The following LRP2 variants were observed in gnomAD, a reference collection of about 807,000 sequenced individuals.
The protein encoded by LRP2 is LDL receptor related protein 2.
In LRP2, 172 loss-of-function variants were observed where a neutral mutation model predicts 531.0. That is an observed-to-expected ratio of 0.32 (90% CI 0.29 to 0.37). The LOEUF (loss-of-function observed/expected upper bound fraction) is 0.37, where lower values mean the gene tolerates loss of function less well. Among genes scored for constraint, LRP2 ranks in the 10% least tolerant of loss-of-function variants. LRP2 has a pLI of 1.00. For synonymous variants in LRP2, 1,992 were observed against 2,027.6 expected (o/e 0.98, Z 0.47); for missense variants, 5,167 against 5,868.3 (o/e 0.88, Z 3.90).
At chr2:169,150,136 A>G (rs1191856448) in intron 68 of LRP2, among the ~76,000 whole-genome samples, 1 of 152,226 alleles carries the variant, frequency 6.6e-6, no homozygotes, top group Non-Finnish European at 1.5e-5. Context: ...GTATGATTTA[A>G]CATATGAAAT....
At chr2:169,216,091 G>C (rs868644755) in intron 35 of LRP2, among the ~76,000 whole-genome samples, 162 bp downstream of exon 35, 3 of 152,054 alleles carry the variant, frequency 2.0e-5, no homozygotes, top group Non-Finnish European at 4.4e-5. Flanking sequence ...TAGGGGCGAG[G>C]TACGTGCAAG....
rs1451168947 is a variant in LRP2, at chr2:169,191,973, C to T, written c.8891G>A (p.Arg2964Lys). 6.2e-7 allele frequency: 1 copy of T among 1,614,040 alleles called. No individual in the cohort carries two copies. The highest frequency in any genetic ancestry group is 8.5e-7 in the Non-Finnish European group (1 of 1,180,014). ...ACAGACCCAAGACTGGGGAATGCAC[C>T]TCCTGTCCGGAGGTCTGTCATTTAC... ...LCVNDRPPDR[R>K]CIPQSWVCDG... The change falls in exon 48 of 79, where the codon AGG becomes AAG. Residue 2964 changes from arginine to lysine, a missense_variant. Around this residue, in one of 6 missense-constraint regions of LRP2, gnomAD observed 1,129 missense variants for 1,362.7 expected, o/e 0.83. Transcript: ENST00000649046.
At chr2:169,151,773 A>G (rs1307440665) in intron 67 of LRP2, among the ~76,000 whole-genome samples, 2 of 152,068 alleles carry the variant, frequency 1.3e-5, no homozygotes, top group Non-Finnish European at 2.9e-5. Context: ...TTCAGAAGAG[A>G]GTGTTAATGT....
intron 46 of LRP2, among the ~76,000 whole-genome samples, chr2:169,194,998 C>T (rs1015317667): frequency 6.6e-6 from 1 of 152,146 alleles, no homozygotes; most frequent in African/African-American, 2.4e-5. Context: ...CGTGAGCCAC[C>T]GCGCCTGGCC....
At chr2:169,208,749 G>A (rs568442818) in intron 38 of LRP2, among the ~76,000 whole-genome samples, 7 of 152,204 alleles carry the variant, frequency 4.6e-5, no homozygotes, top group South Asian at 2.1e-4. Context: ...GAGCCACTGC[G>A]CCCTGCCTAC....
In LRP2 at chr2:169,213,696, C is replaced by T. The variant is rs1688677436; in HGVS notation, c.6001G>A (p.Val2001Ile). The change falls in exon 36 of 79, where the codon GTT (valine) becomes ATT (isoleucine). Residue 2001 changes from valine (V) to isoleucine (I), a missense_variant. This residue lies in a region of LRP2 where 2,811 missense variants were observed against 3,058.0 expected (regional missense o/e 0.92). Transcript: ENST00000649046. ...GANKIVLRDN[V>I]PNLRGLQVYH... The stretch of plus-strand genomic sequence containing the variant: ...ACTTGAAGACCCCTCAGATTTGGAA[C>T]ATTATCTCTCAAGACTATTTTGTTG... 1 of 1,613,500 alleles carries T rather than the reference C, an allele frequency of 6.2e-7. No homozygotes were observed. The highest frequency in any genetic ancestry group is 1.7e-5 in the Admixed American group (1 of 59,984).
chr2:169,298,513 A>G (rs1684189731), intron 4 of LRP2, among the ~76,000 whole-genome samples: 1 of 152,122 alleles, frequency 6.6e-6, no homozygotes, highest in Admixed American at 6.6e-5. Context: ...AGAGTAAGTA[A>G]CAGGAAGAAG....
intron 42 of LRP2, among the ~76,000 whole-genome samples, chr2:169,203,375 G>A (rs1316593392): frequency 2.6e-5 from 4 of 152,164 alleles, no homozygotes; most frequent in Non-Finnish European, 5.9e-5. Flanking sequence ...TATAAGGAAG[G>A]CCAGCTCATT....
At chr2:169,139,449 T>TC (rs1023403967) in intron 73 of LRP2, 78 bp from the exon 74 acceptor site, 20 of 1,613,230 alleles carry the variant, frequency 1.2e-5, no homozygotes, top group Middle Eastern at 3.3e-4. Flanking sequence ...CTAGAACCAC[T>TC]CCTTCAAAGA....
chr2:169,138,747 C>G (rs1282447848), intron 74 of LRP2, 41 bp from the exon 75 acceptor site: 2 of 1,608,812 alleles, frequency 1.2e-6, no homozygotes, highest in Non-Finnish European at 1.7e-6. Flanking sequence ...TTATTTAAAA[C>G]AACAACAACA....
intron 4 of LRP2, among the ~76,000 whole-genome samples, chr2:169,296,747 T>C (rs1043212538): frequency 1.3e-5 from 2 of 152,106 alleles, no homozygotes; most frequent in African/African-American, 2.4e-5. Context: ...ATCCTGCTTT[T>C]TGAGAGCCAG....
rs200916432 is a variant in LRP2 at position 169,292,334 on chromosome 2, G to C, written c.688C>G (p.Pro230Ala). The C allele has an allele frequency of 5.6e-5, 91 of 1,613,954 alleles. No homozygotes were observed. In the East Asian group the frequency reaches 1.9e-3, roughly 34 times the overall value. The change falls in exon 7 of 79, where the codon CCC becomes GCC. Residue 230 changes from proline to alanine, a missense_variant. Pro to Ala is a conservative substitution (Grantham distance 27). Around this residue, in one of 6 missense-constraint regions of LRP2, gnomAD observed 2,811 missense variants for 3,058.0 expected, o/e 0.92. Transcript: ENST00000649046. ...PTCGGYQFTC[P>A]SGRCIYQNWV... ...TTTTGATAAATGCATCGGCCACTGG[G>C]GCAAGTGAACTGGTAACCACCGCAG...
rs575770786 is a variant in LRP2 at position 169,360,400 on chromosome 2, C to T, written c.79+1921G>A. Among the ~76,000 whole-genome samples, 42 of 151,696 alleles carry T rather than the reference C, an allele frequency of 2.8e-4. 1 individual carries two copies. In the Middle Eastern group the frequency reaches 0.01, roughly 37 times the overall value. On this transcript the variant is annotated intron_variant, in intron 1 of 78. Coordinates refer to ENST00000649046, the MANE Select transcript of LRP2 (RefSeq NM_004525.3). ...AAAGCCTGCCACATATATGTGTATG[C>T]TAGGTTACTATTACTATACACATTA...
chr2:169,287,219 C>T (rs1006893408), intron 9 of LRP2, among the ~76,000 whole-genome samples: 10 of 152,190 alleles, frequency 6.6e-5, no homozygotes, highest in African/African-American at 2.4e-4. Context: ...CAAAATGTGT[C>T]CTGCAATCTT....
intron 1 of LRP2, among the ~76,000 whole-genome samples, chr2:169,329,825 G>C (rs1481181147): frequency 1.3e-5 from 2 of 152,200 alleles, no homozygotes; most frequent in Non-Finnish European, 2.9e-5. Context: ...TGAGGGAGGG[G>C]TCCCCAGTCC....
Position 169,247,501 on chromosome 2 carries a change from T to C in LRP2, c.2785A>G (p.Thr929Ala), listed in dbSNP as rs1288894626. 1.9e-6 allele frequency: 3 copies of C among 1,613,920 alleles called. No homozygotes were observed. The highest frequency in any genetic ancestry group is 1.7e-5 in the Admixed American group (1 of 59,992). The change falls in exon 20 of 79, where the codon ACT (threonine) becomes GCT (alanine). Residue 929 changes from threonine to alanine, a missense_variant. Thr to Ala is a moderately conservative substitution (Grantham distance 58). Transcript: ENST00000649046. The stretch of plus-strand genomic sequence containing the variant: ...ATAATGGCACCCAGTCTCCAGTCAG[T>C]AAAAAATAAATGCTCTGAAAAGAAA... ...LAIFGEHLFF[T>A]DWRLGAIIRV...
chr2:169,275,988 A>G (rs1326691378), intron 13 of LRP2, among the ~76,000 whole-genome samples: 1 of 152,050 alleles, frequency 6.6e-6, no homozygotes, highest in Admixed American at 6.6e-5. Flanking sequence ...TGATATGGGA[A>G]AACTCTTATT....
At chr2:169,222,794 C>T (rs891902363) in intron 33 of LRP2, among the ~76,000 whole-genome samples, 2 of 152,168 alleles carry the variant, frequency 1.3e-5, no homozygotes, top group African/African-American at 4.8e-5. Flanking sequence ...CTCACATATT[C>T]TCAGGCCACT....
Position 169,132,570 on chromosome 2 carries a change from T to G in LRP2, c.13728+4A>C. The G allele has an allele frequency of 6.4e-7, 1 of 1,568,620 alleles. No homozygotes were observed. The highest frequency in any genetic ancestry group is 8.8e-7 in the Non-Finnish European group (1 of 1,138,584). On this transcript the variant is annotated splice_donor_region_variant and intron_variant, in intron 77 of 78. Coordinates refer to ENST00000649046, the MANE Select transcript of LRP2 (RefSeq NM_004525.3). ...ACATTATTTCAGGAGTCGGCAACTG[T>G]TACCTGAGTTCCATCAGCAGCTGGT... is the stretch of plus-strand genomic sequence containing the variant.
Sources: gnomAD v4.1 joint callset for allele counts (sites outside exome capture counted in the v4.1 genomes callset) on GRCh38, gnomAD v4.1.1 for gene constraint, gnomAD v4.1.1 regional missense constraint, MANE v1.5 for transcripts, NCBI Gene and HGNC (gene_info 2026-07-23, HGNC 2026-07-21) for gene names.